Variants in DEPDC5 observed in about 807,000 individuals in gnomAD.
DEPDC5 encodes the protein GATOR1 complex protein DEPDC5.
In DEPDC5, 73 loss-of-function variants were observed where a neutral mutation model predicts 217.3. The observed-to-expected ratio is 0.34, with a 90% confidence interval of 0.28 to 0.41. DEPDC5 has a LOEUF of 0.41. Ranked by LOEUF, DEPDC5 falls within the 10% of genes least tolerant of loss-of-function variation. DEPDC5 has a pLI of 1.00. For missense variants in DEPDC5, 1,675 were observed against 2,070.1 expected, an observed-to-expected ratio of 0.81 and a Z score of 3.70; for synonymous variants, 733 against 756.7, an observed-to-expected ratio of 0.97 and a Z score of 0.51.
intron 37 of DEPDC5, among the ~76,000 whole-genome samples, chr22:31,876,939 C>T (rs998856366): frequency 2.0e-5 from 3 of 151,546 alleles, no homozygotes; most frequent in East Asian, 3.9e-4. Context: ...GATCACTTGA[C>T]GTCAAGAGCT....
rs138288 is a variant in DEPDC5, at chr22:31,786,424, TAAAAAAAA to T, written c.624+1563_624+1570del. On this transcript the variant is annotated intron_variant, in intron 10 of 42. Transcript: ENST00000651528. ...CAAAAAGTTAGCTGGATGTGGTAGC[TAAAAAAAA>T]AAAAAAAAAAAAAGGGAAAAAATTT... 7.5e-5 allele frequency among the ~76,000 whole-genome samples: 6 copies of T among 80,138 alleles called. No homozygotes were observed. In the East Asian group the frequency reaches 1.5e-3, roughly 20 times the overall value. The allele number at this position is 80,138 out of a possible 152,430, so 52.6% of individuals were successfully genotyped here.
chr22:31,846,572 G>A (rs1342878183), intron 30 of DEPDC5, among the ~76,000 whole-genome samples: 3 of 152,166 alleles, frequency 2.0e-5, no homozygotes, highest in Admixed American at 1.3e-4. Flanking sequence ...CTGTAAAATA[G>A]GGCTAACATT....
chr22:31,818,925 A>C, intron 21 of DEPDC5, 97 bp from the exon 22 acceptor site: 1 of 1,272,870 alleles, frequency 7.9e-7, no homozygotes, highest in Non-Finnish European at 1.1e-6. Context: ...ATAATGCCCA[A>C]GATTCTTGTC....
rs2082685042 is a variant in DEPDC5, at chr22:31,764,893, G to A, written c.194-82G>A. ...CAGATGATCAATTGTGTTGCTTACT[G>A]AGTTGAGTGTTTATAGATTAGAATA... On this transcript the variant is annotated intron_variant, in intron 4 of 42. Coordinates refer to ENST00000651528, the MANE Select transcript of DEPDC5 (RefSeq NM_001242896.3). 6.1e-6 allele frequency: 6 copies of A among 988,852 alleles called. No individual in the cohort carries two copies. In the South Asian group the frequency reaches 6.6e-5, roughly 11 times the overall value. 61.3% of individuals were successfully genotyped at this position (988,852 alleles called of 1,614,324 possible).
rs115932392 is a variant in DEPDC5, at chr22:31,767,230, G to A, written c.363+562G>A. Among the ~76,000 whole-genome samples the A allele has an allele frequency of 7.3e-3, 1,111 of 151,178 alleles. 8 individuals are homozygous for A. Among genetic ancestry groups the A allele is most frequent in the African/African-American group, 0.024 (981 of 41,138 alleles). On this transcript the variant is annotated intron_variant, in intron 6 of 42. Coordinates refer to ENST00000651528, the MANE Select transcript of DEPDC5 (RefSeq NM_001242896.3). Reference sequence around the variant, plus strand: ...ATCTTGGCTTACTGTAACCTCTGTCGTCTGGGTTCAAGCGATTCTCCTGCC... The same window carrying A: ...ATCTTGGCTTACTGTAACCTCTGTCATCTGGGTTCAAGCGATTCTCCTGCC...
At chr22:31,882,044 C>T (rs1259515243) in intron 38 of DEPDC5, among the ~76,000 whole-genome samples, 1 of 151,406 alleles carries the variant, frequency 6.6e-6, no homozygotes, top group African/African-American at 2.4e-5. Context: ...AATAGTCCAG[C>T]AACAAAGGTG....
At chr22:31,843,587 T>A (rs1406416869) in intron 28 of DEPDC5, 58 bp from the exon 29 acceptor site, 1 of 1,551,908 alleles carries the variant, frequency 6.4e-7, no homozygotes, top group Non-Finnish European at 8.8e-7. Context: ...AAAATAAGAA[T>A]TGGCAGGAAT....
chr22:31,777,427 AT>A (rs35822414), intron 7 of DEPDC5, among the ~76,000 whole-genome samples: 287 of 143,934 alleles, frequency 2.0e-3, no homozygotes, highest in Admixed American at 2.3e-3. Context: ...CGCCCAGCTA[AT>A]TTTTTTTTTT....
chr22:31,813,083 T>C (rs1346530995), intron 20 of DEPDC5, among the ~76,000 whole-genome samples: 2 of 152,164 alleles, frequency 1.3e-5, no homozygotes, highest in Non-Finnish European at 2.9e-5. Context: ...AGTGGAAGAA[T>C]ATTATGTCTC....
chr22:31,766,575 T>C lies in DEPDC5; in HGVS notation c.280-10T>C. On this transcript the variant is annotated splice_polypyrimidine_tract_variant and intron_variant, in intron 5 of 42. Transcript: ENST00000651528. Reference sequence around the variant, plus strand: ...TAATGTCAGAGATATCATTTGATTATTCCTTTTAGGATGTGACCCTTGACC... The same window carrying C: ...TAATGTCAGAGATATCATTTGATTACTCCTTTTAGGATGTGACCCTTGACC... The C allele has an allele frequency of 6.2e-7, 1 of 1,612,878 alleles. No individual in the cohort carries two copies.
chr22:31,767,421 C>T (rs1005082810), intron 6 of DEPDC5, among the ~76,000 whole-genome samples: 9 of 151,974 alleles, frequency 5.9e-5, no homozygotes, highest in Admixed American at 2.0e-4. Context: ...TCAGCCTCCG[C>T]AGTAGCTGGG....
intron 8 of DEPDC5, among the ~76,000 whole-genome samples, chr22:31,779,848 A>G (rs2084247785): frequency 6.6e-6 from 1 of 152,202 alleles, no homozygotes; most frequent in Admixed American, 6.5e-5. Context: ...AAGAGCTGAT[A>G]TAATCACCTC....
At chr22:31,852,132 C>T (rs1457905966) in intron 31 of DEPDC5, among the ~76,000 whole-genome samples, 1 of 151,912 alleles carries the variant, frequency 6.6e-6, no homozygotes, top group Non-Finnish European at 1.5e-5. Flanking sequence ...CACTGCATTC[C>T]AGTCTGGGCG....
chr22:31,843,508 C>A, intron 28 of DEPDC5, 137 bp from the exon 29 acceptor site: 1 of 1,029,788 alleles, frequency 9.7e-7, no homozygotes, highest in Non-Finnish European at 1.4e-6. Flanking sequence ...TAGTACCGTT[C>A]CCTGGGATAA....
At chr22:31,895,881 C>T (rs2093542822) in intron 39 of DEPDC5, among the ~76,000 whole-genome samples, 1 of 151,940 alleles carries the variant, frequency 6.6e-6, no homozygotes, top group Non-Finnish European at 1.5e-5. Flanking sequence ...CAGCCTGCTG[C>T]TCATTCTGCT....
At chr22:31,868,977 T>C (rs187965133) in intron 33 of DEPDC5, among the ~76,000 whole-genome samples, 2 of 152,184 alleles carry the variant, frequency 1.3e-5, no homozygotes, top group Admixed American at 6.5e-5. Flanking sequence ...ATAACAACAT[T>C]ACAGGCTGTA....
At chr22:31,806,236 A>G in intron 18 of DEPDC5, 45 bp downstream of exon 18, 1 of 1,545,964 alleles carries the variant, frequency 6.5e-7, no homozygotes. Context: ...TATGTGGTCC[A>G]GTCTTATCTT....
chr22:31,784,008 G>A, intron 9 of DEPDC5, 23 bp downstream of exon 9: 1 of 1,598,422 alleles, frequency 6.3e-7, no homozygotes, highest in African/African-American at 1.3e-5. Flanking sequence ...TGTGCTGATT[G>A]TAACTGCTAA....
chr22:31,756,867 G>A (rs181365597), intron 2 of DEPDC5, among the ~76,000 whole-genome samples: 3 of 151,720 alleles, frequency 2.0e-5, no homozygotes, highest in East Asian at 3.9e-4. Context: ...GTTGCAGTGA[G>A]CCGAGATCAT....
Sources: allele counts gnomAD v4.1 joint callset (sites outside exome capture counted in the v4.1 genomes callset), GRCh38; gene constraint gnomAD v4.1.1; transcripts MANE v1.5; gene names NCBI Gene and HGNC (gene_info 2026-07-23, HGNC 2026-07-21).